The following AK4 variants were observed in gnomAD, a reference collection of about 807,000 sequenced individuals.
AK4 encodes the protein adenylate kinase 4, mitochondrial.
A neutral mutation model predicts 24.6 loss-of-function variants in AK4; 13 were observed. That is an observed-to-expected ratio of 0.53 (90% CI 0.34 to 0.84). The LOEUF is 0.84. AK4 is among the 40% of genes least tolerant of loss of function. The pLI, the probability that AK4 is intolerant of heterozygous loss-of-function variation, is 0.01. For missense variants in AK4, 192 were observed against 288.2 expected (o/e 0.67, Z 2.42); for synonymous variants, 88 against 107.0 (o/e 0.82, Z 1.10).
chr1:65,164,420 CCTCCCTACCTTT>C (rs960622189), intron 1 of AK4, among the ~76,000 whole-genome samples: 1 of 152,120 alleles, frequency 6.6e-6, no homozygotes, highest in Non-Finnish European at 1.5e-5. Flanking sequence ...ACCACCCCTC[CCTCCCTACCTTT>C]CTCTCTCTTT....
intron 2 of AK4, among the ~76,000 whole-genome samples, chr1:65,192,216 A>G (rs748500256): frequency 6.6e-6 from 1 of 152,228 alleles, no homozygotes; most frequent in East Asian, 1.9e-4. Flanking sequence ...GTCCAGGAGC[A>G]TGGTGTCAGC....
At chr1:65,212,417 C>T (rs1652000056) in intron 2 of AK4, among the ~76,000 whole-genome samples, 1 of 151,920 alleles carries the variant, frequency 6.6e-6, no homozygotes, top group Admixed American at 6.6e-5. Flanking sequence ...CCACCTTAAT[C>T]TCCCAAAGTG....
intron 1 of AK4, among the ~76,000 whole-genome samples, chr1:65,152,036 G>GTA (rs894095669): frequency 1.3e-5 from 2 of 149,660 alleles, no homozygotes; most frequent in African/African-American, 4.9e-5. Context: ...GTATGTATGA[G>GTA]TATACACACA....
chr1:65,202,266 A>G (rs1651683176), intron 2 of AK4, among the ~76,000 whole-genome samples: 1 of 152,052 alleles, frequency 6.6e-6, no homozygotes, highest in Non-Finnish European at 1.5e-5. Context: ...GCGTGGTTGC[A>G]GGCGCCTGTA....
At chr1:65,206,051 A>T (rs1651799687) in intron 2 of AK4, among the ~76,000 whole-genome samples, 1 of 152,128 alleles carries the variant, frequency 6.6e-6, no homozygotes, top group Non-Finnish European at 1.5e-5. Flanking sequence ...CCTTCCTCAG[A>T]AGGTCTGTCT....
At chr1:65,160,843 C>T (rs988735039) in intron 1 of AK4, among the ~76,000 whole-genome samples, 3 of 152,162 alleles carry the variant, frequency 2.0e-5, no homozygotes, top group Admixed American at 6.6e-5. Flanking sequence ...GATCTGCCTG[C>T]ATCGGCTTCT....
At chr1:65,178,020 C>T (rs1370082298) in intron 1 of AK4, among the ~76,000 whole-genome samples, 1 of 151,462 alleles carries the variant, frequency 6.6e-6, no homozygotes, top group East Asian at 1.9e-4. Context: ...AAAGTCATGA[C>T]CGTGGCTGTC....
At chr1:65,172,103 A>ATATATTTT (rs1553122938) in intron 1 of AK4, among the ~76,000 whole-genome samples, 1 of 115,500 alleles carries the variant, frequency 8.7e-6, no homozygotes, top group Admixed American at 9.1e-5. Context: ...ATATATATAT[A>ATATATTTT]TTTAAACTCA....
chr1:65,166,903 G>A (rs564660591), intron 1 of AK4, among the ~76,000 whole-genome samples: 17 of 152,316 alleles, frequency 1.1e-4, no homozygotes, highest in Admixed American at 4.6e-4. Flanking sequence ...AGGCCAAGGC[G>A]GGCGGATCAC....
At chr1:65,175,819 G>C (rs1380786962) in intron 1 of AK4, among the ~76,000 whole-genome samples, 2 of 152,168 alleles carry the variant, frequency 1.3e-5, no homozygotes, top group African/African-American at 4.8e-5. Flanking sequence ...AAATCTTTCA[G>C]ATTACTTGCC....
intron 1 of AK4, among the ~76,000 whole-genome samples, chr1:65,149,671 A>C (rs1261200468): frequency 3.3e-5 from 5 of 152,154 alleles, no homozygotes; most frequent in Admixed American, 3.3e-4. Context: ...AACAAAAGGA[A>C]AGCTTAAAAG....
chr1:65,164,162 G>T (rs961992256), intron 1 of AK4, among the ~76,000 whole-genome samples: 6 of 152,112 alleles, frequency 3.9e-5, no homozygotes, highest in Non-Finnish European at 8.8e-5. Context: ...GGGTCTTTTC[G>T]GGAAAGGGCT....
At position 65,200,512 on chromosome 1, in the gene AK4, T is replaced by C. The variant is rs541966569; in HGVS notation, c.265+9683T>C. Among the ~76,000 whole-genome samples the C allele has an allele frequency of 4.1e-4, 63 of 152,324 alleles. 1 individual carries two copies. Among genetic ancestry groups the C allele is most frequent in the African/African-American group, 1.5e-3 (63 of 41,578 alleles). On this transcript the variant is annotated intron_variant, in intron 2 of 4. Transcript: ENST00000327299. ...GTTATGAAGAGACATTTGGGTGACA[T>C]GTGACCTGAAATTTTAGCACACTGC...
At chr1:65,173,373 G>A (rs1374896834) in intron 1 of AK4, among the ~76,000 whole-genome samples, 4 of 152,060 alleles carry the variant, frequency 2.6e-5, no homozygotes, top group Non-Finnish European at 2.9e-5. Context: ...TTTATATACC[G>A]AATTAGAAAG....
intron 2 of AK4, among the ~76,000 whole-genome samples, chr1:65,202,860 TGTAG>T (rs1651702721): frequency 7.1e-6 from 1 of 141,360 alleles, no homozygotes; most frequent in Non-Finnish European, 1.5e-5. Context: ...CAAGCTGCTG[TGTAG>T]TCTTTTTTTT....
intron 2 of AK4, among the ~76,000 whole-genome samples, chr1:65,216,321 T>G (rs1227394318): frequency 6.6e-6 from 1 of 151,988 alleles, no homozygotes; most frequent in Non-Finnish European, 1.5e-5. Flanking sequence ...TTAGTAGACA[T>G]GGAGTTTTGC....
chr1:65,193,750 A>C (rs1364125656), intron 2 of AK4, among the ~76,000 whole-genome samples: 1 of 152,202 alleles, frequency 6.6e-6, no homozygotes. Flanking sequence ...GCATCCTGCA[A>C]ATACTGTATG....
chr1:65,163,849 G>A (rs1032132423), intron 1 of AK4, among the ~76,000 whole-genome samples: 3 of 152,088 alleles, frequency 2.0e-5, no homozygotes, highest in African/African-American at 7.2e-5. Flanking sequence ...TAGTCAGGTT[G>A]GAGATGGAAT....
chr1:65,148,067 G>A (rs1649623696), upstream of AK4: 2 of 253,870 alleles, frequency 7.9e-6, no homozygotes, highest in Admixed American at 5.3e-5. Flanking sequence ...GGTGGGACTG[G>A]CCGGGCCGAC....
Sources: gnomAD v4.1 joint callset for allele counts (sites outside exome capture counted in the v4.1 genomes callset) on GRCh38, gnomAD v4.1.1 for gene constraint, MANE v1.5 for transcripts, NCBI Gene and HGNC (gene_info 2026-07-23, HGNC 2026-07-21) for gene names.